The following ALK variants were observed in gnomAD, a reference collection of about 807,000 sequenced individuals.
ALK encodes ALK tyrosine kinase receptor.
A neutral mutation model predicts 163.1 loss-of-function variants in ALK; 74 were observed. The observed-to-expected ratio is 0.45, with a 90% confidence interval of 0.38 to 0.55. The LOEUF is 0.55. Among genes scored for constraint, ALK ranks in the 20% least tolerant of loss-of-function variants. The pLI, the probability that ALK is intolerant of heterozygous loss-of-function variation, is 0.00. For synonymous variants in ALK, 960 were observed against 843.2 expected (o/e 1.14, Z -2.40); for missense variants, 2,063 against 2,105.3 (o/e 0.98, Z 0.39).
intron 2 of ALK, among the ~76,000 whole-genome samples, chr2:29,703,213 T>C (rs1463569415): frequency 6.6e-6 from 1 of 152,214 alleles, no homozygotes; most frequent in African/African-American, 2.4e-5. Context: ...TGCTTTTCTG[T>C]CTCCAGTTAT....
At chr2:29,377,029 G>A (rs1004450636) in intron 5 of ALK, among the ~76,000 whole-genome samples, 1 of 152,210 alleles carries the variant, frequency 6.6e-6, no homozygotes, top group Non-Finnish European at 1.5e-5. Flanking sequence ...ACCTGGACAA[G>A]AACTTGCCTT....
intron 1 of ALK, among the ~76,000 whole-genome samples, chr2:29,862,044 A>G (rs987790301): frequency 3.6e-4 from 55 of 152,216 alleles, no homozygotes; most frequent in African/African-American, 1.3e-3. Context: ...TTATATCAAT[A>G]AATGCAAAAT....
intron 1 of ALK, among the ~76,000 whole-genome samples, chr2:29,853,933 A>G (rs931052356): frequency 8.7e-5 from 13 of 148,666 alleles, no homozygotes; most frequent in African/African-American, 3.0e-4. Context: ...TTCCTGAGAC[A>G]GAGTCTCACT....
intron 4 of ALK, among the ~76,000 whole-genome samples, chr2:29,480,790 T>TA (rs11289018): frequency 3.8e-4 from 28 of 74,512 alleles, no homozygotes; most frequent in Middle Eastern, 6.3e-3. Flanking sequence ...ACAGACATCT[T>TA]AAAAAAAAAA....
intron 4 of ALK, among the ~76,000 whole-genome samples, chr2:29,419,591 G>A (rs1204643698): frequency 1.3e-5 from 2 of 151,450 alleles, no homozygotes; most frequent in Non-Finnish European, 2.9e-5. Context: ...GGTAGAGGAT[G>A]AGTATGATAC....
chr2:29,670,444 T>A (rs958817988), intron 3 of ALK, among the ~76,000 whole-genome samples: 3 of 152,208 alleles, frequency 2.0e-5, no homozygotes, highest in Middle Eastern at 3.4e-3. Context: ...GACTGCAGCA[T>A]CCTCTCTTTG....
intron 1 of ALK, among the ~76,000 whole-genome samples, chr2:29,864,245 C>T (rs772549018): frequency 2.0e-5 from 3 of 152,180 alleles, no homozygotes; most frequent in Non-Finnish European, 4.4e-5. Context: ...GCAGTCACAG[C>T]AGTCTATTCC....
intron 5 of ALK, among the ~76,000 whole-genome samples, chr2:29,332,267 C>A (rs1667463780): frequency 9.4e-6 from 1 of 106,204 alleles, no homozygotes; most frequent in African/African-American, 3.7e-5. Flanking sequence ...GCCTAGGAGA[C>A]AGAGTGAGAC....
chr2:29,609,992 C>T (rs993170978), intron 3 of ALK, among the ~76,000 whole-genome samples: 1 of 152,172 alleles, frequency 6.6e-6, no homozygotes, highest in Non-Finnish European at 1.5e-5. Context: ...ACCAACCTCC[C>T]TAAAGCTTCC....
intron 4 of ALK, among the ~76,000 whole-genome samples, chr2:29,385,908 C>T (rs764962391): frequency 1.8e-4 from 27 of 152,166 alleles, no homozygotes; most frequent in Non-Finnish European, 2.8e-4. Context: ...TAAATACGGC[C>T]TAAGGACAAA....
rs77324859 is a variant in ALK at position 29,680,154 on chromosome 2, T to C, written c.952+14696A>G. Reference sequence around the variant, plus strand: ...ACAATATGATGATGATATGTCTAGATGTAGATCTCATTGTATTTATTCTAG... The same window carrying C: ...ACAATATGATGATGATATGTCTAGACGTAGATCTCATTGTATTTATTCTAG... On this transcript the variant is annotated intron_variant, in intron 3 of 28. Transcript: ENST00000389048. Among the ~76,000 whole-genome samples, 720 of 152,144 alleles carry C rather than the reference T, an allele frequency of 4.7e-3. 8 individuals are homozygous for C. Among genetic ancestry groups the C allele is most frequent in the African/African-American group, 0.015 (628 of 41,570 alleles).
intron 1 of ALK, among the ~76,000 whole-genome samples, chr2:29,871,144 C>A (rs940533998): frequency 2.0e-5 from 3 of 152,122 alleles, no homozygotes; most frequent in Non-Finnish European, 4.4e-5. Flanking sequence ...TGACAGATGC[C>A]AAGCGTTAAG....
Position 29,229,082 on chromosome 2 carries a change from G to A in ALK, c.2633-16C>T. The A allele has an allele frequency of 6.2e-7, 1 of 1,612,772 alleles. No homozygotes were observed. ...CCTCCACCACCTGCGGGAAGAGATAGGGAACCTGCGTGAGGATGCTGGCAA... is the reference window on the plus strand; with the variant it reads ...CCTCCACCACCTGCGGGAAGAGATAAGGAACCTGCGTGAGGATGCTGGCAA... On this transcript the variant is annotated splice_polypyrimidine_tract_variant and intron_variant, in intron 15 of 28. Coordinates refer to ENST00000389048, the MANE Select transcript of ALK (RefSeq NM_004304.5).
intron 1 of ALK, among the ~76,000 whole-genome samples, chr2:29,916,147 G>A (rs1667827511): frequency 6.6e-6 from 1 of 152,162 alleles, no homozygotes; most frequent in South Asian, 2.1e-4. Flanking sequence ...GGACTTGTCT[G>A]ACCCACATCT....
chr2:29,520,653 A>G (rs1325883561), intron 4 of ALK, among the ~76,000 whole-genome samples: 4 of 152,114 alleles, frequency 2.6e-5, no homozygotes, highest in South Asian at 2.1e-4. Flanking sequence ...GAGAAGACCT[A>G]TTGTTCTTGA....
At chr2:29,562,899 G>T (rs143851928) in intron 3 of ALK, among the ~76,000 whole-genome samples, 1 of 152,324 alleles carries the variant, frequency 6.6e-6, no homozygotes, top group East Asian at 1.9e-4. Context: ...ATCTTAAGTA[G>T]GGTACCTTCT....
chr2:29,419,386 A>G (rs1363732906), intron 4 of ALK, among the ~76,000 whole-genome samples: 4 of 151,402 alleles, frequency 2.6e-5, no homozygotes, highest in African/African-American at 9.8e-5. Context: ...CTTATAATAC[A>G]AGGAGTTCCC....
intron 4 of ALK, among the ~76,000 whole-genome samples, chr2:29,501,981 C>T (rs1281782921): frequency 6.6e-6 from 1 of 152,206 alleles, no homozygotes; most frequent in African/African-American, 2.4e-5. Flanking sequence ...GGTTCACACA[C>T]ATTGTAGCAG....
At chr2:29,493,815 C>A (rs56405328) in intron 4 of ALK, among the ~76,000 whole-genome samples, 1 of 152,050 alleles carries the variant, frequency 6.6e-6, no homozygotes, top group African/African-American at 2.4e-5. Flanking sequence ...AGGTACCATG[C>A]GAAGCCCTTA....
Sources: gnomAD v4.1 joint callset for allele counts (sites outside exome capture counted in the v4.1 genomes callset) on GRCh38, gnomAD v4.1.1 for gene constraint, MANE v1.5 for transcripts, NCBI Gene and HGNC (gene_info 2026-07-23, HGNC 2026-07-21) for gene names.